The following TBC1D32 variants were observed in gnomAD, a reference collection of about 807,000 sequenced individuals.
TBC1D32 encodes the protein TBC1 domain family member 32, also known as protein broad-minded.
Under a neutral mutation model 170.3 loss-of-function variants are expected in TBC1D32, and 151 were observed. The ratio of observed to expected loss-of-function variants is 0.89; its 90% CI spans 0.78 to 1.01. TBC1D32 has a LOEUF of 1.01. Among genes scored for constraint, TBC1D32 ranks in the 50% least tolerant of loss-of-function variants. The pLI is 0.00. For synonymous variants in TBC1D32, 498 were observed against 488.0 expected (o/e 1.02, Z -0.27); for missense variants, 1,464 against 1,457.1 (o/e 1.00, Z -0.08).
At chr6:121,138,937 C>T (rs1317249320) in intron 24 of TBC1D32, among the ~76,000 whole-genome samples, 4 of 151,876 alleles carry the variant, frequency 2.6e-5, no homozygotes, top group Admixed American at 6.6e-5. Flanking sequence ...CTCCGCCTCC[C>T]GGGTTCACGC....
chr6:121,202,601 C>T (rs1190427764), intron 22 of TBC1D32, among the ~76,000 whole-genome samples: 4 of 151,180 alleles, frequency 2.6e-5, no homozygotes, highest in African/African-American at 7.4e-5. Flanking sequence ...AGATCAGTGG[C>T]TGCAAGGAGA....
Position 121,160,997 on chromosome 6 carries a change from A to C in TBC1D32, c.2630T>G (p.Leu877Arg). Residue 877 changes from leucine to arginine, a missense_variant, in exon 23 of 32, where the codon CTT (leucine) becomes CGT (arginine). Transcript: ENST00000398212. The part of the protein sequence containing the change: ...ERNHVLVRIN[L>R]VGGPLERILP... The stretch of plus-strand genomic sequence containing the variant: ...AATCCGTTCCAATGGCCCACCAACA[A>C]GATTTATTCTAACAAGAACATGATT... The C allele has an allele frequency of 6.2e-7, 1 of 1,613,970 alleles. No individual in the cohort carries two copies. The highest frequency in any genetic ancestry group is 8.5e-7 in the Non-Finnish European group (1 of 1,179,982).
chr6:121,139,089 G>T (rs574832483), intron 24 of TBC1D32, among the ~76,000 whole-genome samples: 3 of 151,958 alleles, frequency 2.0e-5, no homozygotes, highest in Non-Finnish European at 4.4e-5. Context: ...CTTGTGGTCC[G>T]CCCGCCTCGG....
chr6:121,149,060 T>C (rs1168076118), intron 24 of TBC1D32, among the ~76,000 whole-genome samples: 2 of 152,252 alleles, frequency 1.3e-5, no homozygotes, highest in Non-Finnish European at 2.9e-5. Flanking sequence ...TGTCTTCTTT[T>C]GAAAACTGTC....
intron 17 of TBC1D32, among the ~76,000 whole-genome samples, chr6:121,247,695 CAAAAAAA>C (rs34914027): frequency 0.022 from 1,022 of 46,618 alleles, 25 homozygotes; most frequent in African/African-American, 0.097. Context: ...GGCTTTAAAG[CAAAAAAA>C]AAAAAAAAAA....
intron 26 of TBC1D32, among the ~76,000 whole-genome samples, chr6:121,125,388 C>T (rs1410942452): frequency 1.3e-5 from 2 of 152,016 alleles, no homozygotes; most frequent in South Asian, 2.1e-4. Context: ...GACTGTAAGC[C>T]CCAGATAGGT....
intron 24 of TBC1D32, among the ~76,000 whole-genome samples, chr6:121,135,930 A>G (rs1782008690): frequency 6.6e-6 from 1 of 152,184 alleles, no homozygotes; most frequent in South Asian, 2.1e-4. Context: ...CTGATCCACA[A>G]GCAACTTAGA....
chr6:121,289,993 T>G (rs1230470137), intron 12 of TBC1D32, among the ~76,000 whole-genome samples: 1 of 152,154 alleles, frequency 6.6e-6, no homozygotes, highest in Non-Finnish European at 1.5e-5. Context: ...TATACAAAAA[T>G]TAATTCAAGG....
At chr6:121,315,276 T>C (rs4144169) in intron 3 of TBC1D32, among the ~76,000 whole-genome samples, 6,520 of 152,298 alleles carry the variant, frequency 0.043, 288 homozygotes, top group East Asian at 0.12. Context: ...ATAGTGAATA[T>C]AAAGCTAAGT....
chr6:121,115,998 T>C (rs1398399813), intron 26 of TBC1D32, among the ~76,000 whole-genome samples: 4 of 152,140 alleles, frequency 2.6e-5, no homozygotes, highest in African/African-American at 9.7e-5. Flanking sequence ...CACAACTAAA[T>C]AGCATTCAGG....
intron 22 of TBC1D32, among the ~76,000 whole-genome samples, chr6:121,197,304 T>A (rs546659171): frequency 2.0e-4 from 31 of 152,236 alleles, no homozygotes; most frequent in African/African-American, 7.2e-4. Flanking sequence ...TCCAGACCCC[T>A]CAGGAATGAA....
chr6:121,258,376 T>C (rs1799315792), intron 15 of TBC1D32, among the ~76,000 whole-genome samples: 1 of 152,166 alleles, frequency 6.6e-6, no homozygotes, highest in Admixed American at 6.5e-5. Context: ...TCGATTGATA[T>C]TTAAACTTAC....
chr6:121,122,555 G>GT (rs1180526159), intron 26 of TBC1D32, among the ~76,000 whole-genome samples: 5 of 145,160 alleles, frequency 3.4e-5, no homozygotes, highest in East Asian at 4.0e-4. Context: ...CTGAAGTGTG[G>GT]TAAAAAAAAA....
intron 28 of TBC1D32, 127 bp from the exon 29 acceptor site, chr6:121,112,786 G>A: frequency 1.1e-6 from 1 of 911,278 alleles, no homozygotes. Flanking sequence ...ATGAAACTTA[G>A]TTTTTAAATA....
At chr6:121,093,208 G>A (rs1419113879) in intron 30 of TBC1D32, among the ~76,000 whole-genome samples, 2 of 152,098 alleles carry the variant, frequency 1.3e-5, no homozygotes, top group Non-Finnish European at 2.9e-5. Context: ...ATGGAGGGTA[G>A]GTTGGCATGC....
intron 31 of TBC1D32, among the ~76,000 whole-genome samples, chr6:121,082,895 T>A (rs2128166793): frequency 6.6e-6 from 1 of 152,094 alleles, no homozygotes; most frequent in Non-Finnish European, 1.5e-5. Flanking sequence ...GAGAAAAATT[T>A]TAATACACAT....
chr6:121,158,932 T>C (rs986103556), intron 24 of TBC1D32, among the ~76,000 whole-genome samples: 1 of 152,140 alleles, frequency 6.6e-6, no homozygotes, highest in Non-Finnish European at 1.5e-5. Flanking sequence ...CCACTGGTCT[T>C]ATGGCTGGGC....
chr6:121,299,698 C>G (rs1324152309), intron 9 of TBC1D32, among the ~76,000 whole-genome samples, 193 bp from the exon 10 acceptor site: 2 of 151,966 alleles, frequency 1.3e-5, no homozygotes, highest in Admixed American at 1.3e-4. Flanking sequence ...CAAATCGTAT[C>G]AAAAAACTTG....
chr6:121,235,110 T>C (rs1464380685), intron 20 of TBC1D32, among the ~76,000 whole-genome samples: 1 of 152,014 alleles, frequency 6.6e-6, no homozygotes, highest in Non-Finnish European at 1.5e-5. Flanking sequence ...CTGGTGGAGG[T>C]GGCAGGGGAG....
Sources: gnomAD v4.1 joint callset for allele counts (sites outside exome capture counted in the v4.1 genomes callset) on GRCh38, gnomAD v4.1.1 for gene constraint, MANE v1.5 for transcripts, NCBI Gene and HGNC (gene_info 2026-07-23, HGNC 2026-07-21) for gene names.